The following NEDD4L variants were observed in gnomAD, a reference collection of about 807,000 sequenced individuals.
NEDD4L encodes E3 ubiquitin-protein ligase NEDD4-like.
NEDD4L carries 54 observed loss-of-function variants against 148.9 expected under a neutral mutation model. That is an observed-to-expected ratio of 0.36 (90% CI 0.29 to 0.45). The LOEUF (loss-of-function observed/expected upper bound fraction) is 0.45, where lower values mean the gene tolerates loss of function less well. Ranked by LOEUF, NEDD4L falls within the 20% of genes least tolerant of loss-of-function variation. NEDD4L has a pLI of 1.00. For missense variants in NEDD4L, 856 were observed against 1,233.8 expected (o/e 0.69, Z 4.59); for synonymous variants, 433 against 440.7 (o/e 0.98, Z 0.22).
chr18:58,105,426 A>G lies in NEDD4L; in HGVS notation c.49-60362A>G, dbSNP rs537405474. Among the ~76,000 whole-genome samples, 9 of 152,288 alleles carry G rather than the reference A, an allele frequency of 5.9e-5. No homozygotes were observed. The South Asian group carries it at 1.9e-3, about 32-fold the overall frequency. ...GAGGGTAGGGGAGTGTGCCTTAGTC[A>G]TTCTCGAGACTCCTGTGCCTGGCAG... is the stretch of plus-strand genomic sequence containing the variant. On this transcript the variant is annotated intron_variant, in intron 1 of 30. Transcript: ENST00000400345.
chr18:58,258,876 C>T lies in NEDD4L; in HGVS notation c.297+6822C>T, dbSNP rs188651919. Among the ~76,000 whole-genome samples, 323 of 152,282 alleles carry T rather than the reference C, an allele frequency of 2.1e-3. 3 individuals are homozygous for T. The highest frequency in any genetic ancestry group is 7.4e-3 in the African/African-American group (307 of 41,558). ...GTTAAGTTTAGGCAGCAGCTGCCAC[C>T]GCCTTACTTATCTTGAAGGAAAACA... On this transcript the variant is annotated intron_variant, in intron 5 of 30. Coordinates refer to ENST00000400345, the MANE Select transcript of NEDD4L (RefSeq NM_001144967.3).
At chr18:58,199,308 C>T (rs1426088897) in intron 2 of NEDD4L, among the ~76,000 whole-genome samples, 1 of 152,088 alleles carries the variant, frequency 6.6e-6, no homozygotes, top group Non-Finnish European at 1.5e-5. Flanking sequence ...GCCTTCTCTC[C>T]CACAAGGGAC....
At chr18:58,280,527 C>T (rs890763898) in intron 5 of NEDD4L, among the ~76,000 whole-genome samples, 3 of 152,106 alleles carry the variant, frequency 2.0e-5, no homozygotes, top group Non-Finnish European at 4.4e-5. Context: ...GGAGGCAGAG[C>T]GAGCACAAGT....
intron 13 of NEDD4L, 70 bp from the exon 14 acceptor site, chr18:58,340,968 C>A (rs2042342989): frequency 6.8e-6 from 10 of 1,465,644 alleles, no homozygotes; most frequent in Non-Finnish European, 9.3e-6. Flanking sequence ...TCTGGGTGTA[C>A]CTTACTTTAT....
intron 13 of NEDD4L, among the ~76,000 whole-genome samples, chr18:58,337,285 CCT>C (rs769026850): frequency 9.9e-5 from 15 of 152,202 alleles, no homozygotes; most frequent in Non-Finnish European, 2.2e-4. Flanking sequence ...GATAGATCTC[CCT>C]ACCTACTTAG....
At chr18:58,119,564 G>A (rs995146602) in intron 1 of NEDD4L, among the ~76,000 whole-genome samples, 3 of 152,168 alleles carry the variant, frequency 2.0e-5, no homozygotes, top group Admixed American at 6.5e-5. Context: ...TGTTCTCTCT[G>A]TTCCTAGCCG....
At chr18:58,324,884 G>GA in intron 8 of NEDD4L, 112 bp from the exon 9 acceptor site, 2 of 980,008 alleles carry the variant, frequency 2.0e-6, no homozygotes, top group Non-Finnish European at 3.0e-6. Flanking sequence ...GCCATGGCTA[G>GA]AGCCAGAGAG....
chr18:58,306,630 C>CT (rs11439150), intron 5 of NEDD4L, among the ~76,000 whole-genome samples: 27,991 of 146,554 alleles, frequency 0.19, 2,775 homozygotes, highest in East Asian at 0.3. Flanking sequence ...TTTCTTTCTT[C>CT]TTTTTTTTTT....
intron 1 of NEDD4L, among the ~76,000 whole-genome samples, chr18:58,109,515 T>A (rs1050516456): frequency 4.6e-5 from 7 of 151,896 alleles, no homozygotes; most frequent in African/African-American, 1.2e-4. Flanking sequence ...GAGGACTAGA[T>A]TTGTGAAAGG....
rs116629655 is a variant in NEDD4L, at chr18:58,086,733, A to G, written c.48+42025A>G. ...TTAGAGGAATAATCTTGAAATGATT[A>G]TGTTTTGGGGGAAAAGTATATTATT... On this transcript the variant is annotated intron_variant, in intron 1 of 30. Transcript: ENST00000400345. Among the ~76,000 whole-genome samples, 1,280 of 152,338 alleles carry G rather than the reference A, an allele frequency of 8.4e-3. 19 individuals carry two copies. Among genetic ancestry groups the G allele is most frequent in the African/African-American group, 0.029 (1,203 of 41,580 alleles).
intron 5 of NEDD4L, among the ~76,000 whole-genome samples, chr18:58,267,735 A>G (rs529745168): frequency 6.6e-6 from 1 of 151,906 alleles, no homozygotes; most frequent in East Asian, 1.9e-4. Flanking sequence ...GCGTGGGTGG[A>G]TATATTTTTG....
In NEDD4L at chr18:58,340,027, C is replaced by A. The variant is rs1006151660; in HGVS notation, c.1126-1011C>A. 1.3e-4 allele frequency among the ~76,000 whole-genome samples: 20 copies of A among 152,198 alleles called. 1 individual carries two copies. The highest frequency in any genetic ancestry group is 4.8e-4 in the African/African-American group (20 of 41,436). ...GTTATTCCTAAGGCATGGGCTCCTC[C>A]TATACCTTTAGATTCCCCTAGGAGC... On this transcript the variant is annotated intron_variant, in intron 13 of 30. Coordinates refer to ENST00000400345, the MANE Select transcript of NEDD4L (RefSeq NM_001144967.3).
intron 2 of NEDD4L, among the ~76,000 whole-genome samples, chr18:58,192,729 A>G (rs1054046428): frequency 3.3e-5 from 5 of 152,132 alleles, no homozygotes; most frequent in Admixed American, 1.3e-4. Context: ...GCAACCATCT[A>G]TTTATGTCGA....
intron 1 of NEDD4L, among the ~76,000 whole-genome samples, chr18:58,104,009 T>C (rs2084923786): frequency 6.6e-6 from 1 of 152,246 alleles, no homozygotes; most frequent in African/African-American, 2.4e-5. Context: ...CTAGCAGCAC[T>C]GTTCACAATA....
chr18:58,044,883 C>T (rs1469169772), intron 1 of NEDD4L, among the ~76,000 whole-genome samples, 175 bp downstream of exon 1: 1 of 152,174 alleles, frequency 6.6e-6, no homozygotes, highest in African/African-American at 2.4e-5. Context: ...TCCGCACCCC[C>T]CACCCTCCGC....
intron 5 of NEDD4L, among the ~76,000 whole-genome samples, chr18:58,298,437 C>G (rs1442827935): frequency 2.0e-5 from 3 of 152,166 alleles, no homozygotes; most frequent in African/African-American, 7.2e-5. Flanking sequence ...GGGCTTGATT[C>G]ACCGTATGAC....
chr18:58,082,102 A>ATATATATTTTTTTTTTTTT, intron 1 of NEDD4L, among the ~76,000 whole-genome samples: 11 of 48,824 alleles, frequency 2.3e-4, no homozygotes, highest in African/African-American at 6.4e-4. Context: ...ATATATATAT[A>ATATATATTTTTTTTTTTTT]TTTTTTTTTT....
At chr18:58,187,375 G>A (rs2039590727) in intron 2 of NEDD4L, among the ~76,000 whole-genome samples, 1 of 152,166 alleles carries the variant, frequency 6.6e-6, no homozygotes, top group South Asian at 2.1e-4. Context: ...GGGTAAGAAG[G>A]GCAGCCTTTG....
chr18:58,342,027 G>A (rs143623808), intron 15 of NEDD4L, among the ~76,000 whole-genome samples: 1 of 152,344 alleles, frequency 6.6e-6, no homozygotes, highest in African/African-American at 2.4e-5. Context: ...TAAGGCCGTG[G>A]TGACTTGTGC....
Sources: gnomAD v4.1 joint callset for allele counts (sites outside exome capture counted in the v4.1 genomes callset) on GRCh38, gnomAD v4.1.1 for gene constraint, MANE v1.5 for transcripts, NCBI Gene and HGNC (gene_info 2026-07-23, HGNC 2026-07-21) for gene names.